LCOR: variants seen among roughly 807,000 people sequenced by gnomAD.
LCOR encodes the protein ligand dependent nuclear receptor corepressor, also known as ligand-dependent corepressor.
A neutral mutation model predicts 64.4 loss-of-function variants in LCOR; 14 were observed. The ratio of observed to expected loss-of-function variants is 0.22; its 90% CI spans 0.14 to 0.34. The LOEUF (loss-of-function observed/expected upper bound fraction) is 0.34. LCOR is among the 10% of genes least tolerant of loss of function. The pLI, the probability that LCOR is intolerant of heterozygous loss-of-function variation, is 1.00. For synonymous variants in LCOR, 643 were observed against 642.5 expected (o/e 1.00, Z -0.01); for missense variants, 1,686 against 1,765.3 (o/e 0.96, Z 0.80).
chr10:96,982,027 T>G lies in LCOR; in HGVS notation c.1567T>G (p.Leu523Val). Residue 523 changes from leucine (L) to valine (V), a missense_variant, in exon 8 of 8, where the codon TTA becomes GTA. Leu to Val is a conservative substitution (Grantham distance 32, BLOSUM62 1). This residue lies in a region of LCOR where 1,293 missense variants were observed against 1,410.4 expected (regional missense o/e 0.92). Coordinates refer to ENST00000421806, the MANE Select transcript of LCOR (RefSeq NM_001346516.2). Reference sequence around the variant, plus strand: ...AACTGTTCGTACACTGGCCAGAAATTTACACTCCCAGGAAAAAGCAAGCTG... The same window carrying G: ...AACTGTTCGTACACTGGCCAGAAATGTACACTCCCAGGAAAAAGCAAGCTG... ...LPTVRTLARNLHSQEKASCSA... is the reference protein window; with the variant it reads ...LPTVRTLARNVHSQEKASCSA... The G allele has an allele frequency of 6.2e-7, 1 of 1,613,982 alleles. No individual in the cohort carries two copies. The highest frequency in any genetic ancestry group is 8.5e-7 in the Non-Finnish European group (1 of 1,180,016).
At chr10:96,939,383 C>G (rs968759660) in intron 4 of LCOR, among the ~76,000 whole-genome samples, 1 of 152,080 alleles carries the variant, frequency 6.6e-6, no homozygotes, top group Non-Finnish European at 1.5e-5. Context: ...AAAGTACGCC[C>G]TAAAAGTATA....
At chr10:96,873,557 TACACAC>T (rs34692687) in intron 2 of LCOR, among the ~76,000 whole-genome samples, 3 of 138,116 alleles carry the variant, frequency 2.2e-5, no homozygotes, top group South Asian at 2.4e-4. Flanking sequence ...TGTTTTTCGA[TACACAC>T]ACACACACGT....
chr10:96,839,580 T>C (rs1436961923), intron 2 of LCOR, among the ~76,000 whole-genome samples: 1 of 152,228 alleles, frequency 6.6e-6, no homozygotes, highest in Non-Finnish European at 1.5e-5. Flanking sequence ...AGAATTTGGG[T>C]AGTGAGAGGA....
intron 2 of LCOR, among the ~76,000 whole-genome samples, chr10:96,874,488 A>T (rs1846130749): frequency 6.6e-6 from 1 of 152,226 alleles, no homozygotes; most frequent in Non-Finnish European, 1.5e-5. Flanking sequence ...GCATAATAAT[A>T]GCTAACATTT....
chr10:96,873,571 CGTGTGTGTGTGTGTGTGTGT>C (rs55893181), intron 2 of LCOR, among the ~76,000 whole-genome samples: 7 of 126,340 alleles, frequency 5.5e-5, no homozygotes, highest in African/African-American at 8.4e-5. Context: ...CACACACACA[CGTGTGTGTGTGTGTGTGTGT>C]GTGTGTGTGT....
chr10:96,891,646 A>T (rs1589635928), intron 2 of LCOR, among the ~76,000 whole-genome samples: 1 of 137,552 alleles, frequency 7.3e-6, no homozygotes, highest in African/African-American at 2.7e-5. Context: ...AGGTTCAAGC[A>T]GTTCTCCTGT....
In LCOR at chr10:96,984,823, A is replaced by G. The variant is rs1848132751; in HGVS notation, c.4363A>G (p.Asn1455Asp). ...QPPKKTSLKE[N>D]KVKIPKKSAG... ...CCCCAAAAAGACGTCTTTGAAAGAG[A>G]ATAAAGTGAAGATCCCTAAAAAGTC... is the stretch of plus-strand genomic sequence containing the variant. The change falls in exon 8 of 8, where the codon AAT becomes GAT. Residue 1455 changes from asparagine to aspartate, a missense_variant. Transcript: ENST00000421806. 5 of 1,614,038 alleles carry G rather than the reference A, an allele frequency of 3.1e-6. No individual in the cohort carries two copies. Among genetic ancestry groups the G allele is most frequent in the Non-Finnish European group, 4.2e-6 (5 of 1,180,040 alleles).
At chr10:96,865,843 C>T (rs887676815) in intron 2 of LCOR, among the ~76,000 whole-genome samples, 6 of 146,754 alleles carry the variant, frequency 4.1e-5, no homozygotes, top group African/African-American at 1.5e-4. Flanking sequence ...CATTACACTC[C>T]AGCCTGGGCA....
Position 96,989,693 on chromosome 10 carries a change from A to AT in LCOR, c.*4560dup, listed in dbSNP as rs1179095678. On this transcript the variant is annotated 3_prime_UTR_variant, in exon 8 of 8. Transcript: ENST00000421806. ...GATAAGGATATATATATATATATAT[A>AT]TATTTTTTTTTTTTTTTTTTTTTTT... 130 of 81,424 alleles carry AT rather than the reference A, an allele frequency of 1.6e-3. 1 individual carries two copies. The highest frequency in any genetic ancestry group is 5.6e-3 in the African/African-American group (76 of 13,482). The allele number at this position is 81,424 out of a possible 1,614,324, so 5.0% of individuals were successfully genotyped here. A position where few individuals can be genotyped will look rare whatever the true frequency, so the allele number is the denominator to read the frequency against.
At chr10:96,899,321 A>G (rs1472566128) in intron 2 of LCOR, among the ~76,000 whole-genome samples, 2 of 152,190 alleles carry the variant, frequency 1.3e-5, no homozygotes, top group Non-Finnish European at 2.9e-5. Context: ...AATTATAAAT[A>G]TCTTAACGGC....
intron 2 of LCOR, 39 bp downstream of exon 2, chr10:96,833,518 C>T: frequency 1.1e-6 from 1 of 871,138 alleles, no homozygotes; most frequent in Non-Finnish European, 1.4e-6. Context: ...CGCCCGCCGC[C>T]CCCTAGCCCC....
rs1158166710 is a variant in LCOR, at chr10:96,988,552, C to CATCA, written c.*3419_*3422dup. 3 of 152,146 alleles carry CATCA rather than the reference C, an allele frequency of 2.0e-5. No individual in the cohort carries two copies. Among genetic ancestry groups the CATCA allele is most frequent in the African/African-American group, 7.2e-5 (3 of 41,430 alleles). 9.4% of individuals were successfully genotyped at this position (152,146 alleles called of 1,614,324 possible). On this transcript the variant is annotated 3_prime_UTR_variant, in exon 8 of 8. Transcript: ENST00000421806. ...GTTCAGATAGGTCATCAGTAAAAGG[C>CATCA]ATCACTTCAAGATAATTACTTTGAA...
rs1196072274 is a variant in LCOR, at chr10:96,982,737, T to G, written c.2277T>G (p.Ser759Arg). 1.9e-6 allele frequency: 3 copies of G among 1,613,706 alleles called. No homozygotes were observed. In the South Asian group the frequency reaches 3.3e-5, roughly 18 times the overall value. ...ESSTFTDENP[S>R]ETEESEAAGG... ...GCACTTTTACTGATGAAAACCCCAGTGAAACTGAGGAAAGTGAGGCAGCAG... is the reference window on the plus strand; with the variant it reads ...GCACTTTTACTGATGAAAACCCCAGGGAAACTGAGGAAAGTGAGGCAGCAG... The change falls in exon 8 of 8, where the codon AGT becomes AGG. Residue 759 changes from serine (S) to arginine (R), a missense_variant. Ser to Arg is a moderately radical substitution (Grantham distance 110, BLOSUM62 -1). Transcript: ENST00000421806.
intron 4 of LCOR, among the ~76,000 whole-genome samples, chr10:96,918,798 C>T (rs1170626278): frequency 2.0e-5 from 3 of 152,108 alleles, no homozygotes; most frequent in Admixed American, 6.5e-5. Context: ...CTGACTTTGC[C>T]CTCACAGTGA....
intron 4 of LCOR, among the ~76,000 whole-genome samples, chr10:96,914,734 T>C (rs1247520046): frequency 6.6e-6 from 1 of 152,188 alleles, no homozygotes; most frequent in African/African-American, 2.4e-5. Flanking sequence ...GGGTAAAGTT[T>C]AGAGTGAGGG....
chr10:96,974,790 TAAAA>T (rs992196863), intron 7 of LCOR, among the ~76,000 whole-genome samples: 1 of 152,142 alleles, frequency 6.6e-6, no homozygotes, highest in African/African-American at 2.4e-5. Flanking sequence ...TTTTTTAACA[TAAAA>T]AAATAGTAAT....
At chr10:96,978,263 C>T (rs906892729) in intron 7 of LCOR, among the ~76,000 whole-genome samples, 1 of 152,216 alleles carries the variant, frequency 6.6e-6, no homozygotes. Context: ...AACAATCACT[C>T]ATCCAAGGGT....
intron 4 of LCOR, among the ~76,000 whole-genome samples, chr10:96,929,261 T>C (rs964260448): frequency 8.5e-5 from 13 of 152,270 alleles, no homozygotes; most frequent in Non-Finnish European, 7.3e-5. Flanking sequence ...GGCCTTTTTG[T>C]CTACATTGAA....
intron 2 of LCOR, among the ~76,000 whole-genome samples, chr10:96,873,193 G>A (rs1344116259): frequency 6.6e-6 from 1 of 152,154 alleles, no homozygotes; most frequent in Admixed American, 6.5e-5. Context: ...AAGGGAAATT[G>A]AAGCCATTGG....
Sources: gnomAD v4.1 joint callset for allele counts (sites outside exome capture counted in the v4.1 genomes callset) on GRCh38, gnomAD v4.1.1 for gene constraint, gnomAD v4.1.1 regional missense constraint, MANE v1.5 for transcripts, NCBI Gene and HGNC (gene_info 2026-07-23, HGNC 2026-07-21) for gene names.